The following DACH1 variants were observed in gnomAD, a reference collection of about 807,000 sequenced individuals.
The protein encoded by DACH1 is dachshund family transcription factor 1.
A neutral mutation model predicts 54.2 loss-of-function variants in DACH1; 12 were observed. The observed-to-expected ratio is 0.22, with a 90% CI of 0.14 to 0.36. The LOEUF (loss-of-function observed/expected upper bound fraction) is 0.36, where lower values mean the gene tolerates loss of function less well. Ranked by LOEUF, DACH1 falls within the 10% of genes least tolerant of loss-of-function variation. The probability of loss-of-function intolerance (pLI) is 1.00; values close to 1 mark genes in which losing one functional copy is unlikely to be tolerated. For missense variants in DACH1, 805 were observed against 929.8 expected, an observed-to-expected ratio of 0.87 and a Z score of 1.75; for synonymous variants, 386 against 366.2, an observed-to-expected ratio of 1.05 and a Z score of -0.62.
rs141269412 is a variant in DACH1, at chr13:71,590,819, C to T, written c.1127-17807G>A. ...AGCATCATATTGCTTAAAAAGTCAT[C>T]TACAATTTCCCAGTTTTTCTTTTCT... On this transcript the variant is annotated intron_variant, in intron 3 of 10. Transcript: ENST00000613252. 6.1e-3 allele frequency among the ~76,000 whole-genome samples: 908 copies of T among 149,966 alleles called. 14 individuals carry two copies. Among genetic ancestry groups the T allele is most frequent in the African/African-American group, 0.021 (841 of 40,904 alleles).
At chr13:71,859,353 T>A (rs12585855) in intron 1 of DACH1, among the ~76,000 whole-genome samples, 13,098 of 151,812 alleles carry the variant, frequency 0.086, 1,459 homozygotes, top group East Asian at 0.57. Context: ...ACATTTTAAA[T>A]GCATTTGGTT....
rs138573764 is a variant in DACH1 at position 71,697,781 on chromosome 13, A to G, written c.849-15871T>C. Among the ~76,000 whole-genome samples the G allele has an allele frequency of 5.1e-3, 777 of 152,318 alleles. 9 individuals carry two copies. The highest frequency in any genetic ancestry group is 0.018 in the African/African-American group (750 of 41,580). ...TCTTATATATTCATGGTAATATATG[A>G]AAGTCCTAAAATAATGCATTTAATA... On this transcript the variant is annotated intron_variant, in intron 1 of 10. Transcript: ENST00000613252.
chr13:71,571,285 T>C (rs1019032096), intron 4 of DACH1, among the ~76,000 whole-genome samples: 2 of 152,146 alleles, frequency 1.3e-5, no homozygotes, highest in Admixed American at 1.3e-4. Context: ...AAAGTAGCCA[T>C]TGACTACAAT....
At chr13:71,642,773 C>A (rs930720152) in intron 2 of DACH1, among the ~76,000 whole-genome samples, 1 of 152,106 alleles carries the variant, frequency 6.6e-6, no homozygotes, top group Non-Finnish European at 1.5e-5. Flanking sequence ...GTAATCCCAG[C>A]GCTTTGGGAG....
In DACH1 at chr13:71,837,191, T is replaced by G. The variant is rs370997567; in HGVS notation, c.848+28731A>C. Among the ~76,000 whole-genome samples, 16 of 152,170 alleles carry G rather than the reference T, an allele frequency of 1.1e-4. No homozygotes were observed. In the East Asian group the frequency reaches 2.9e-3, roughly 28 times the overall value. On this transcript the variant is annotated intron_variant, in intron 1 of 10. Coordinates refer to ENST00000613252, the MANE Select transcript of DACH1 (RefSeq NM_080759.6). The stretch of plus-strand genomic sequence containing the variant: ...AATATTAAGTAAATATACTTCCTCA[T>G]TTGGAATTTATTTTAAGCTAGATCT...
chr13:71,848,725 A>G (rs956108148), intron 1 of DACH1, among the ~76,000 whole-genome samples: 4 of 151,950 alleles, frequency 2.6e-5, no homozygotes, highest in African/African-American at 9.7e-5. Flanking sequence ...GGTTCTCACT[A>G]TGTTGCCCAG....
chr13:71,777,324 T>G (rs963113015), intron 1 of DACH1, among the ~76,000 whole-genome samples: 1 of 152,066 alleles, frequency 6.6e-6, no homozygotes, highest in Non-Finnish European at 1.5e-5. Flanking sequence ...AACAAACTGT[T>G]TGGTAGCTTG....
At chr13:71,850,058 A>G (rs1446962591) in intron 1 of DACH1, among the ~76,000 whole-genome samples, 3 of 152,180 alleles carry the variant, frequency 2.0e-5, no homozygotes, top group Non-Finnish European at 4.4e-5. Context: ...ATCTATGGAC[A>G]AAATACACAT....
intron 3 of DACH1, among the ~76,000 whole-genome samples, chr13:71,614,643 CA>C (rs1388394404): frequency 6.6e-6 from 1 of 152,002 alleles, no homozygotes; most frequent in Non-Finnish European, 1.5e-5. Flanking sequence ...CACTTGAGCC[CA>C]GGGGTCCCAG....
chr13:71,558,006 GA>G (rs1884361207), intron 5 of DACH1, among the ~76,000 whole-genome samples: 1 of 151,550 alleles, frequency 6.6e-6, no homozygotes, highest in African/African-American at 2.4e-5. Flanking sequence ...ATATTGGTGG[GA>G]AAACCAGTGC....
chr13:71,860,282 C>T (rs1293861912), intron 1 of DACH1, among the ~76,000 whole-genome samples: 1 of 151,308 alleles, frequency 6.6e-6, no homozygotes, highest in African/African-American at 2.4e-5. Context: ...AATCACAAAG[C>T]ATTACCTCAG....
chr13:71,502,490 G>A lies in DACH1; in HGVS notation c.1571-13342C>T, dbSNP rs745438123. Among the ~76,000 whole-genome samples the A allele has an allele frequency of 4.6e-5, 7 of 152,298 alleles. No individual in the cohort carries two copies. The South Asian group carries it at 1.2e-3, about 27-fold the overall frequency. ...CAAGGTCTATACTTCCCTTGTCGGA[G>A]CTGTTTAACCATGAAAGTACTACTT... On this transcript the variant is annotated intron_variant, in intron 6 of 10. Coordinates refer to ENST00000613252, the MANE Select transcript of DACH1 (RefSeq NM_080759.6).
At chr13:71,686,643 C>A (rs1881180497) in intron 1 of DACH1, among the ~76,000 whole-genome samples, 1 of 152,144 alleles carries the variant, frequency 6.6e-6, no homozygotes, top group South Asian at 2.1e-4. Flanking sequence ...TTGTGGACAT[C>A]ATCTTTTGTT....
At chr13:71,832,243 G>A (rs1434793647) in intron 1 of DACH1, among the ~76,000 whole-genome samples, 1 of 151,874 alleles carries the variant, frequency 6.6e-6, no homozygotes, top group Non-Finnish European at 1.5e-5. Flanking sequence ...GACAAAGGAA[G>A]AGAATATTTA....
chr13:71,441,052 C>A (rs1873967094), intron 10 of DACH1, among the ~76,000 whole-genome samples: 1 of 151,980 alleles, frequency 6.6e-6, no homozygotes, highest in African/African-American at 2.4e-5. Flanking sequence ...ACCAAATTTT[C>A]TCTGAATGCA....
intron 1 of DACH1, among the ~76,000 whole-genome samples, chr13:71,754,326 C>T (rs1885051657): frequency 6.6e-6 from 1 of 152,154 alleles, no homozygotes; most frequent in Non-Finnish European, 1.5e-5. Context: ...CTTCCTGGCT[C>T]CTGTCCAACT....
intron 3 of DACH1, among the ~76,000 whole-genome samples, chr13:71,599,049 T>C (rs1874311002): frequency 6.6e-6 from 1 of 152,126 alleles, no homozygotes; most frequent in Admixed American, 6.5e-5. Context: ...TCTAAACATG[T>C]CATTTTTCTA....
Position 71,735,480 on chromosome 13 carries a change from T to C in DACH1, c.849-53570A>G, listed in dbSNP as rs71451473. ...GATATACACGTATACGGGATATACG[T>C]GTATATGGGATATACACGTATACGG... On this transcript the variant is annotated intron_variant, in intron 1 of 10. Transcript: ENST00000613252. 4.4e-3 allele frequency among the ~76,000 whole-genome samples: 89 copies of C among 20,198 alleles called. 33 individuals carry two copies. The Non-Finnish European group carries it at 0.062, about 14-fold the overall frequency. 13.3% of individuals were successfully genotyped at this position (20,198 alleles called of 152,430 possible).
At chr13:71,483,391 AAATT>A (rs1878220749) in intron 7 of DACH1, among the ~76,000 whole-genome samples, 1 of 147,350 alleles carries the variant, frequency 6.8e-6, no homozygotes, top group African/African-American at 2.5e-5. Flanking sequence ...ATCAATAATT[AAATT>A]ATGATTAAAT....
Sources: gnomAD v4.1 joint callset for allele counts (sites outside exome capture counted in the v4.1 genomes callset) on GRCh38, gnomAD v4.1.1 for gene constraint, MANE v1.5 for transcripts, NCBI Gene and HGNC (gene_info 2026-07-23, HGNC 2026-07-21) for gene names.